KIAA1217: variants seen among roughly 807,000 people sequenced by gnomAD.
The protein encoded by KIAA1217 is KIAA1217, also known as sickle tail protein homolog.
In KIAA1217, 88 loss-of-function variants were observed where a neutral mutation model predicts 163.9. The observed-to-expected ratio is 0.54, with a 90% CI of 0.45 to 0.64. KIAA1217 has a LOEUF of 0.64. KIAA1217 is among the 30% of genes least tolerant of loss of function. The pLI is 0.00. For missense variants in KIAA1217, 2,372 were observed against 2,475.0 expected, an observed-to-expected ratio of 0.96 and a Z score of 0.88; for synonymous variants, 903 against 923.1, an observed-to-expected ratio of 0.98 and a Z score of 0.39.
intron 2 of KIAA1217, among the ~76,000 whole-genome samples, chr10:24,253,497 G>GTTATT (rs2074789712): frequency 6.6e-6 from 1 of 152,160 alleles, no homozygotes; most frequent in Non-Finnish European, 1.5e-5. Context: ...GCCAAATGCT[G>GTTATT]GTATTTCTGT....
At chr10:23,918,733 T>TATATATATATACACAC (rs769797460) in intron 1 of KIAA1217, among the ~76,000 whole-genome samples, 2 of 147,478 alleles carry the variant, frequency 1.4e-5, no homozygotes, top group African/African-American at 5.0e-5. Context: ...ATTAAATATA[T>TATATATATATACACAC]ACACACACAC....
At chr10:24,006,849 G>T (rs1027995444) in intron 1 of KIAA1217, among the ~76,000 whole-genome samples, 1 of 152,102 alleles carries the variant, frequency 6.6e-6, no homozygotes, top group East Asian at 1.9e-4. Context: ...TTAGAGATGC[G>T]AGTCTGCAAT....
chr10:23,836,650 C>T (rs1443487190), intron 1 of KIAA1217, among the ~76,000 whole-genome samples: 1 of 151,742 alleles, frequency 6.6e-6, no homozygotes, highest in African/African-American at 2.4e-5. Context: ...TTAGGCCAGG[C>T]TCAGTTGCTC....
chr10:24,542,984 G>T lies in KIAA1217; in HGVS notation c.3714G>T (p.Glu1238Asp). 1 of 1,613,654 alleles carries T rather than the reference G, an allele frequency of 6.2e-7. No individual in the cohort carries two copies. Residue 1238 changes from glutamate to aspartate, a missense_variant, in exon 19 of 21, where the codon GAG (glutamate) becomes GAT (aspartate). Around this residue, in one of 3 missense-constraint regions of KIAA1217, gnomAD observed 251 missense variants for 327.3 expected, o/e 0.77. Coordinates refer to ENST00000376454, the MANE Select transcript of KIAA1217 (RefSeq NM_019590.5). Reference protein sequence around the residue: ...DASRTSEYKTEIIMKENSISN... With the variant: ...DASRTSEYKTDIIMKENSISN... ...CAAGAACATCAGAATATAAAACTGA[G>T]ATCATAATGAAGGAAAATTCCATAT...
intron 1 of KIAA1217, among the ~76,000 whole-genome samples, chr10:23,997,813 T>C (rs1846556251): frequency 6.6e-6 from 1 of 152,134 alleles, no homozygotes; most frequent in Admixed American, 6.5e-5. Context: ...TTCCCTTTCT[T>C]ACTTGTGTCT....
At chr10:23,812,454 A>G (rs1837112111) in intron 1 of KIAA1217, among the ~76,000 whole-genome samples, 1 of 152,138 alleles carries the variant, frequency 6.6e-6, no homozygotes, top group South Asian at 2.1e-4. Flanking sequence ...AATAGGGTTA[A>G]TAGATGAAAT....
At chr10:24,055,948 C>A (rs2060514752) in intron 2 of KIAA1217, among the ~76,000 whole-genome samples, 1 of 149,010 alleles carries the variant, frequency 6.7e-6, no homozygotes, top group Admixed American at 6.6e-5. Context: ...AAGCTAAAAA[C>A]ACTAAATTTA....
chr10:23,898,304 TACACACACAC>T (rs35343854), intron 1 of KIAA1217, among the ~76,000 whole-genome samples: 1 of 149,212 alleles, frequency 6.7e-6, no homozygotes, highest in Non-Finnish European at 1.5e-5. Context: ...ACTATATATA[TACACACACAC>T]ACACACACAC....
chr10:23,840,448 C>G (rs2131065395), intron 1 of KIAA1217, among the ~76,000 whole-genome samples: 1 of 152,206 alleles, frequency 6.6e-6, no homozygotes, highest in African/African-American at 2.4e-5. Context: ...AGCCACTGTG[C>G]CTGGCCGATT....
chr10:24,090,344 T>G, intron 2 of KIAA1217, among the ~76,000 whole-genome samples: 1 of 131,304 alleles, frequency 7.6e-6, no homozygotes, highest in South Asian at 2.6e-4. Context: ...TTTTTTTTTT[T>G]TTTTTTTTTT....
chr10:23,806,232 C>T (rs1049478486), intron 1 of KIAA1217, among the ~76,000 whole-genome samples: 1 of 151,920 alleles, frequency 6.6e-6, no homozygotes, highest in Non-Finnish European at 1.5e-5. Flanking sequence ...AATGTTCCGC[C>T]GTTGCTGAGT....
chr10:24,002,753 C>T (rs896011829), intron 1 of KIAA1217, among the ~76,000 whole-genome samples: 9 of 152,132 alleles, frequency 5.9e-5, no homozygotes, highest in Admixed American at 2.0e-4. Flanking sequence ...ACCTGTCACT[C>T]AAGCAGTGAA....
chr10:24,255,565 G>A, intron 2 of KIAA1217: 1 of 455,864 alleles, frequency 2.2e-6, no homozygotes, highest in South Asian at 1.5e-5. Flanking sequence ...TTCTGCTGTG[G>A]GGGGCCCTTC....
chr10:24,312,863 C>T (rs2042887769), intron 2 of KIAA1217, among the ~76,000 whole-genome samples: 1 of 152,060 alleles, frequency 6.6e-6, no homozygotes. Context: ...CTGCAGGGAG[C>T]CTTGATTGTG....
In KIAA1217 at chr10:24,380,932, T is replaced by A. The variant is rs1423781460; in HGVS notation, c.418T>A (p.Leu140Ile). The change falls in exon 3 of 21, where the codon TTA (leucine) becomes ATA (isoleucine). Residue 140 changes from leucine (L) to isoleucine (I), a missense_variant. Transcript: ENST00000376454. ...CAGTCTGGGTGACCCGGTCGAGCAT[T>A]TATCAGAGACGTCCGCTGATTCTTT... ...PPSLGDPVEHLSETSADSLEA... is the reference protein window; with the variant it reads ...PPSLGDPVEHISETSADSLEA... The A allele has an allele frequency of 6.2e-7, 1 of 1,608,564 alleles. No individual in the cohort carries two copies. The highest frequency in any genetic ancestry group is 8.5e-7 in the Non-Finnish European group (1 of 1,177,012).
At chr10:24,352,944 G>C (rs1229479783) in intron 2 of KIAA1217, among the ~76,000 whole-genome samples, 2 of 152,036 alleles carry the variant, frequency 1.3e-5, no homozygotes, top group Non-Finnish European at 2.9e-5. Flanking sequence ...TGTCAGGTCA[G>C]TTCCTTATGG....
chr10:23,876,524 C>T (rs1277814109), intron 1 of KIAA1217, among the ~76,000 whole-genome samples: 4 of 151,734 alleles, frequency 2.6e-5, no homozygotes, highest in Non-Finnish European at 4.4e-5. Flanking sequence ...AGAAAATGCA[C>T]CTCCAGTTTT....
chr10:24,194,125 T>G (rs1197529853), intron 2 of KIAA1217, among the ~76,000 whole-genome samples: 3 of 151,966 alleles, frequency 2.0e-5, no homozygotes, highest in Non-Finnish European at 4.4e-5. Flanking sequence ...AGGCAGAGGT[T>G]GCAGTGAGCT....
intron 2 of KIAA1217, among the ~76,000 whole-genome samples, chr10:24,339,901 G>T (rs969772966): frequency 6.6e-6 from 1 of 152,200 alleles, no homozygotes; most frequent in African/African-American, 2.4e-5. Flanking sequence ...CTTTGACTCT[G>T]TCTTCTCTCC....
Sources: gnomAD v4.1 joint callset for allele counts (sites outside exome capture counted in the v4.1 genomes callset) on GRCh38, gnomAD v4.1.1 for gene constraint, gnomAD v4.1.1 regional missense constraint, MANE v1.5 for transcripts, NCBI Gene and HGNC (gene_info 2026-07-23, HGNC 2026-07-21) for gene names.